ATN1: variants seen among roughly 807,000 people sequenced by gnomAD.
ATN1 encodes the protein atrophin 1.
ATN1 carries 19 observed loss-of-function variants against 85.8 expected under a neutral mutation model. The ratio of observed to expected loss-of-function variants is 0.22; its 90% CI spans 0.15 to 0.32. The LOEUF is 0.32. ATN1 is among the 10% of genes least tolerant of loss of function. ATN1 has a pLI of 1.00. For synonymous variants in ATN1, 674 were observed against 657.0 expected, an observed-to-expected ratio of 1.03 and a Z score of -0.39; for missense variants, 1,453 against 1,564.5, an observed-to-expected ratio of 0.93 and a Z score of 1.20.
chr12:6,935,995 C>A lies in ATN1; in HGVS notation c.728C>A (p.Ser243Ter). The change falls in exon 5 of 10, where the codon TCA becomes TAA. Residue 243 changes from serine to a stop codon, truncating the protein, a stop_gained. Coordinates refer to ENST00000396684, the MANE Select transcript of ATN1 (RefSeq NM_001940.4). LOFTEE classifies it high-confidence loss of function. The surrounding 1 kb of genome is among the most constrained non-coding windows in gnomAD (Gnocchi z 5.3). ...CCCAAGGGGGGAGGGGCTGCCTCAT[C>A]AGTGGGGGGCCCTAATGGGGGTAAG... ...MGPKGGGAAS[S>*]VGGPNGGKQH... is the part of the protein sequence containing the mutation. 1 of 1,587,594 alleles carries A rather than the reference C, an allele frequency of 6.3e-7. No individual in the cohort carries two copies. Among genetic ancestry groups the A allele is most frequent in the Non-Finnish European group, 8.6e-7 (1 of 1,166,738 alleles).
chr12:6,933,221 CTTT>C (rs782089414), intron 1 of ATN1, among the ~76,000 whole-genome samples: 1 of 144,376 alleles, frequency 6.9e-6, no homozygotes, highest in Admixed American at 6.9e-5. Context: ...TTTCTTTTTT[CTTT>C]TTTTTTTTTT....
chr12:6,926,749 C>T (rs1288549537), upstream of ATN1, among the ~76,000 whole-genome samples: 1 of 152,144 alleles, frequency 6.6e-6, no homozygotes, highest in African/African-American at 2.4e-5. Context: ...AGATTACAGG[C>T]GTGAGCCCCC....
In ATN1 at chr12:6,937,857, C is replaced by T. The variant is rs782767369; in HGVS notation, c.2307C>T (p.His769=). The stretch of plus-strand genomic sequence containing the variant: ...CCACGCCCGGCAGGTTCAACAAACA[C>T]CTGGATCGCGGCTTCAACTCGTGCG... The part of the protein sequence containing the change: ...HASQSARFNK[H]LDRGFNSCAR... The change falls in exon 6 of 10, where the codon CAC becomes CAT. Residue 769 remains histidine, a synonymous_variant. Coordinates refer to ENST00000396684, the MANE Select transcript of ATN1 (RefSeq NM_001940.4). The surrounding 1 kb of genome is among the most constrained non-coding windows in gnomAD (Gnocchi z 6.0). 2 of 1,578,544 alleles carry T rather than the reference C, an allele frequency of 1.3e-6. No homozygotes were observed. The highest frequency in any genetic ancestry group is 8.6e-7 in the Non-Finnish European group (1 of 1,163,256).
In ATN1 at chr12:6,938,439, C is replaced by A. The variant is rs116713610; in HGVS notation, c.2518-42C>A. Reference sequence around the variant, plus strand: ...CAGCTTAAAACCAGCCACCTCTTTTCATAACTGCCGCTTTGACTCCACTTT... The same window carrying A: ...CAGCTTAAAACCAGCCACCTCTTTTAATAACTGCCGCTTTGACTCCACTTT... On this transcript the variant is annotated intron_variant, in intron 6 of 9. Coordinates refer to ENST00000396684, the MANE Select transcript of ATN1 (RefSeq NM_001940.4). The A allele has an allele frequency of 1.8e-3, 2,885 of 1,561,924 alleles. 50 individuals are homozygous for A. In the African/African-American group the frequency reaches 0.036, roughly 19 times the overall value.
rs60216939 is a variant in ATN1 at position 6,936,728 on chromosome 12, ACAGCAGCAGCAGCAGCAGCAGCAGCAG to A, written c.1482_1508del (p.Gln494_Gln502del). 4.8e-4 allele frequency: 754 copies of A among 1,584,040 alleles called. 1 individual carries two copies. Among genetic ancestry groups the A allele is most frequent in the East Asian group, 1.8e-3 (78 of 43,500 alleles). On this transcript the variant is annotated inframe_deletion, in exon 5 of 10. Transcript: ENST00000396684. ...ATCACCATCACCACCAGCAACAGCAACAGCAGCAGCAGCAGCAGCAGCAGCAGCAGCAGCAGCAGCAGCAGCATCACG... is the reference window on the plus strand; with the variant it reads ...ATCACCATCACCACCAGCAACAGCAACAGCAGCAGCAGCAGCAGCATCACG...
Position 6,937,701 on chromosome 12 carries a change from G to C in ATN1, c.2294+140G>C, listed in dbSNP as rs1591665168. On this transcript the variant is annotated intron_variant, in intron 5 of 9. Coordinates refer to ENST00000396684, the MANE Select transcript of ATN1 (RefSeq NM_001940.4). The surrounding 1 kb of genome is among the most constrained non-coding windows in gnomAD (Gnocchi z 6.0). ...CGCCCCTCTCCTCCGTCCAGGCCTA[G>C]TGGCCAGTGAGGCCCGCAGCAGCTC... The C allele has an allele frequency of 7.0e-7, 1 of 1,438,728 alleles. No homozygotes were observed. The highest frequency in any genetic ancestry group is 2.5e-5 in the East Asian group (1 of 39,924). 89.1% of individuals were successfully genotyped at this position (1,438,728 alleles called of 1,614,324 possible).
rs782282386 is a variant in ATN1, at chr12:6,937,845, G to A, written c.2295G>A (p.Arg765=). 4 of 1,563,610 alleles carry A rather than the reference G, an allele frequency of 2.6e-6. No individual in the cohort carries two copies. The change falls in exon 6 of 10, where the codon AGG becomes AGA. Residue 765 remains arginine (R), a splice_region_variant and synonymous_variant. Transcript: ENST00000396684. The surrounding 1 kb of genome is among the most constrained non-coding windows in gnomAD (Gnocchi z 6.0). ...DVPSHASQSA[R]FNKHLDRGFN... ...CGCCCGCTGCTTCCACGCCCGGCAGGTTCAACAAACACCTGGATCGCGGCT... is the reference window on the plus strand; with the variant it reads ...CGCCCGCTGCTTCCACGCCCGGCAGATTCAACAAACACCTGGATCGCGGCT...
rs1945568171 is a variant in ATN1, at chr12:6,937,642, G to A, written c.2294+81G>A. 4 of 1,434,540 alleles carry A rather than the reference G, an allele frequency of 2.8e-6. No individual in the cohort carries two copies. Among genetic ancestry groups the A allele is most frequent in the Admixed American group, 5.6e-5 (2 of 35,668 alleles). The allele number at this position is 1,434,540 out of a possible 1,614,324, so 88.9% of individuals were successfully genotyped here. A position where few individuals can be genotyped will look rare whatever the true frequency, so the allele number is the denominator to read the frequency against. ...CGACGAGAGAGGGAGTAGCAGGGAG[G>A]GGCCTTGCGCTGGTGTAGTGTTTTA... On this transcript the variant is annotated intron_variant, in intron 5 of 9. Transcript: ENST00000396684. This position sits in a 1 kb window ranked among gnomAD's most constrained non-coding sequence, Gnocchi z 6.0.
At position 6,941,747 on chromosome 12, in the gene ATN1, T is replaced by A; in HGVS notation, c.3540T>A (p.Ser1180Arg). ...VPLPAQEDYY[S>R]HLKKESDKPL ...CTGCTATGCACTGCCCCTTCCCTAG[T>A]CACCTGAAGAAGGAAAGCGACAAGC... The change falls in exon 10 of 10, where the codon AGT becomes AGA. Residue 1180 changes from serine to arginine, a missense_variant and splice_region_variant. Coordinates refer to ENST00000396684, the MANE Select transcript of ATN1 (RefSeq NM_001940.4). The surrounding 1 kb of genome is among the most constrained non-coding windows in gnomAD (Gnocchi z 5.9). The A allele has an allele frequency of 6.2e-7, 1 of 1,613,568 alleles. No individual in the cohort carries two copies. Among genetic ancestry groups the A allele is most frequent in the Non-Finnish European group, 8.5e-7 (1 of 1,179,736 alleles).
In ATN1 at chr12:6,937,769, C is replaced by T. The variant is rs1185884324; in HGVS notation, c.2295-76C>T. 8.2e-6 allele frequency: 12 copies of T among 1,469,798 alleles called. No homozygotes were observed. The highest frequency in any genetic ancestry group is 7.1e-5 in the African/African-American group (5 of 70,192). 91.0% of individuals were successfully genotyped at this position (1,469,798 alleles called of 1,614,324 possible). On this transcript the variant is annotated intron_variant, in intron 5 of 9. Coordinates refer to ENST00000396684, the MANE Select transcript of ATN1 (RefSeq NM_001940.4). The surrounding 1 kb of genome is among the most constrained non-coding windows in gnomAD (Gnocchi z 6.0). ...TTTTGAGGCGGGGGCTACAAGCACT[C>T]GCCGGGGCCGCGGCGCTGCGGGCTC...
In ATN1 at chr12:6,938,016, A is replaced by ACGCGAGAAAGAGCGCGAG. The variant is rs782511880; in HGVS notation, c.2475_2492dup (p.Arg829_Glu834dup). On this transcript the variant is annotated inframe_insertion, in exon 6 of 10. Coordinates refer to ENST00000396684, the MANE Select transcript of ATN1 (RefSeq NM_001940.4). ...AAAAGGAGCGCGAGCGCGAGCGGGA[A>ACGCGAGAAAGAGCGCGAG]CGCGAGAAAGAGCGCGAGCGCGAGA... is the stretch of plus-strand genomic sequence containing the variant. 2.6e-5 allele frequency: 40 copies of ACGCGAGAAAGAGCGCGAG among 1,541,064 alleles called. No homozygotes were observed. Among genetic ancestry groups the ACGCGAGAAAGAGCGCGAG allele is most frequent in the African/African-American group, 1.4e-4 (10 of 72,776 alleles).
chr12:6,941,835 A>G lies in ATN1; in HGVS notation c.*55A>G. 1 of 1,579,468 alleles carries G rather than the reference A, an allele frequency of 6.3e-7. No individual in the cohort carries two copies. Among genetic ancestry groups the G allele is most frequent in the Admixed American group, 1.7e-5 (1 of 59,730 alleles). Reference sequence around the variant, plus strand: ...CTACATTGGACCTTGGAGCACCCCCACCCTCCCCCCACCGTGCCCTTGGCC... The same window carrying G: ...CTACATTGGACCTTGGAGCACCCCCGCCCTCCCCCCACCGTGCCCTTGGCC... On this transcript the variant is annotated 3_prime_UTR_variant, in exon 10 of 10. Transcript: ENST00000396684. The surrounding 1 kb of genome is among the most constrained non-coding windows in gnomAD (Gnocchi z 5.9).
chr12:6,926,648 T>G (rs371102162), upstream of ATN1, among the ~76,000 whole-genome samples: 5 of 152,182 alleles, frequency 3.3e-5, no homozygotes, highest in African/African-American at 1.2e-4. Flanking sequence ...AATTTTTGTA[T>G]TTTTAGTAGA....
At position 6,941,540 on chromosome 12, in the gene ATN1, G is replaced by C; in HGVS notation, c.3525G>C (p.Gln1175His). Residue 1175 changes from glutamine to histidine, a missense_variant, in exon 9 of 10, where the codon CAG becomes CAC. Physicochemically the swap from Gln to His is conservative, Grantham distance 24. This residue lies in a region of ATN1 where 118 missense variants were observed against 163.7 expected (regional missense o/e 0.72). Coordinates refer to ENST00000396684, the MANE Select transcript of ATN1 (RefSeq NM_001940.4). This position sits in a 1 kb window ranked among gnomAD's most constrained non-coding sequence, Gnocchi z 5.9. ...TGCACAGTGTGCCGCTGCCTGCCCA[G>C]GAGGACTACTACAGGTACCCTAGGG... ...HPLHSVPLPA[Q>H]EDYYSHLKKE... The C allele has an allele frequency of 1.2e-6, 2 of 1,612,778 alleles. No individual in the cohort carries two copies. The highest frequency in any genetic ancestry group is 8.5e-7 in the Non-Finnish European group (1 of 1,179,874).
rs200910295 is a variant in ATN1 at position 6,934,887 on chromosome 12, GTTTT to G, written c.279+315_279+318del. On this transcript the variant is annotated intron_variant, in intron 4 of 9. Coordinates refer to ENST00000396684, the MANE Select transcript of ATN1 (RefSeq NM_001940.4). The surrounding 1 kb of genome is among the most constrained non-coding windows in gnomAD (Gnocchi z 4.5). Reference sequence around the variant, plus strand: ...GCAGAAGTGGTCTTTCTTTTTTATTGTTTTTTTTTGTTTGTTTGTTTTTGAGACA... The same window carrying G: ...GCAGAAGTGGTCTTTCTTTTTTATTGTTTTTGTTTGTTTGTTTTTGAGACA... Among the ~76,000 whole-genome samples the G allele has an allele frequency of 5.3e-5, 8 of 151,456 alleles. No homozygotes were observed. The highest frequency in any genetic ancestry group is 2.0e-4 in the Admixed American group (3 of 15,172).
In ATN1 at chr12:6,937,195, C is replaced by A. The variant is rs782384025; in HGVS notation, c.1928C>A (p.Ala643Asp). 3 of 1,611,254 alleles carry A rather than the reference C, an allele frequency of 1.9e-6. No homozygotes were observed. Among genetic ancestry groups the A allele is most frequent in the South Asian group, 1.1e-5 (1 of 91,042 alleles). Residue 643 changes from alanine (A) to aspartate (D), a missense_variant, in exon 5 of 10, where the codon GCC (alanine) becomes GAC (aspartate). Transcript: ENST00000396684. This position sits in a 1 kb window ranked among gnomAD's most constrained non-coding sequence, Gnocchi z 6.0. Reference sequence around the variant, plus strand: ...GGGCCCCCACCGTACGGAAAGAGAGCCCCGTCCCCGGGGGCCTACAAGACA... The same window carrying A: ...GGGCCCCCACCGTACGGAAAGAGAGACCCGTCCCCGGGGGCCTACAAGACA... ...PPGPPPYGKRAPSPGAYKTAT... is the reference protein window; with the variant it reads ...PPGPPPYGKRDPSPGAYKTAT...
rs367857362 is a variant in ATN1 at position 6,934,173 on chromosome 12, T to C, written c.28-3T>C. ...GTTACCTACCTCCTTCCTCCTCCTGTAGATGTCAATGAGGAGTGGACGGAA... is the reference window on the plus strand; with the variant it reads ...GTTACCTACCTCCTTCCTCCTCCTGCAGATGTCAATGAGGAGTGGACGGAA... On this transcript the variant is annotated splice_region_variant and splice_polypyrimidine_tract_variant and intron_variant, in intron 2 of 9. Transcript: ENST00000396684. This position sits in a 1 kb window ranked among gnomAD's most constrained non-coding sequence, Gnocchi z 4.5. The C allele has an allele frequency of 6.2e-7, 1 of 1,612,934 alleles. No individual in the cohort carries two copies. The highest frequency in any genetic ancestry group is 1.3e-5 in the African/African-American group (1 of 74,712).
intron 7 of ATN1, 57 bp downstream of exon 7, chr12:6,939,234 C>T: frequency 6.6e-7 from 1 of 1,518,530 alleles, no homozygotes; most frequent in Non-Finnish European, 8.8e-7. Flanking sequence ...CCTATCATGA[C>T]TGGGCTCTTT....
upstream of ATN1, among the ~76,000 whole-genome samples, chr12:6,926,438 T>C (rs1555142591): frequency 6.6e-6 from 1 of 152,002 alleles, no homozygotes; most frequent in Non-Finnish European, 1.5e-5. Flanking sequence ...CTCCCACATC[T>C]GTCATTTCCT....
Sources: gnomAD v4.1 joint callset for allele counts (sites outside exome capture counted in the v4.1 genomes callset) on GRCh38, gnomAD v4.1.1 for gene constraint, gnomAD v4.1.1 regional missense constraint, Gnocchi (gnomAD v3.1) non-coding constraint, MANE v1.5 for transcripts, NCBI Gene and HGNC (gene_info 2026-07-23, HGNC 2026-07-21) for gene names.